The following PSEN1 variants were observed in gnomAD, a reference collection of about 807,000 sequenced individuals.
PSEN1 encodes presenilin-1.
In PSEN1, 15 loss-of-function variants were observed where a neutral mutation model predicts 53.5. That is an observed-to-expected ratio of 0.28 (90% CI 0.19 to 0.43). PSEN1 has a LOEUF of 0.43. Among genes scored for constraint, PSEN1 ranks in the 20% least tolerant of loss-of-function variants. PSEN1 has a pLI of 1.00. For synonymous variants in PSEN1, 208 were observed against 209.8 expected (o/e 0.99, Z 0.08); for missense variants, 387 against 571.2 (o/e 0.68, Z 3.29).
chr14:73,160,803 C>T (rs1460995725), intron 3 of PSEN1, among the ~76,000 whole-genome samples: 18 of 84,698 alleles, frequency 2.1e-4, no homozygotes, highest in Admixed American at 5.4e-4. Context: ...AATTGTAGGA[C>T]TTTTTTTTTT....
At chr14:73,192,491 TTAAA>T (rs1298882108) in intron 6 of PSEN1, among the ~76,000 whole-genome samples, 149 bp from the exon 7 acceptor site, 1 of 152,162 alleles carries the variant, frequency 6.6e-6, no homozygotes, top group East Asian at 1.9e-4. Flanking sequence ...AAGGGAAGTA[TTAAA>T]TAAATAATAG....
In PSEN1 at chr14:73,221,852, A is replaced by C. The variant is rs1174960422; in HGVS notation, c.*2563A>C. On this transcript the variant is annotated 3_prime_UTR_variant, in exon 12 of 12. Coordinates refer to ENST00000324501, the MANE Select transcript of PSEN1 (RefSeq NM_000021.4). ...AAGAACAGTAGCAATTTCCATAAGG[A>C]TGTGCCTTCACTCACACGGGACAGG... 4 of 152,216 alleles carry C rather than the reference A, an allele frequency of 2.6e-5. No homozygotes were observed. Among genetic ancestry groups the C allele is most frequent in the Admixed American group, 2.6e-4 (4 of 15,280 alleles). The allele number at this position is 152,216 out of a possible 1,614,324, so 9.4% of individuals were successfully genotyped here. A position where few individuals can be genotyped will look rare whatever the true frequency, so the allele number is the denominator to read the frequency against.
chr14:73,140,457 C>T (rs996500867), intron 1 of PSEN1, among the ~76,000 whole-genome samples: 1 of 152,126 alleles, frequency 6.6e-6, no homozygotes, highest in Admixed American at 6.5e-5. Flanking sequence ...GATCCACCCG[C>T]CTCAGCCTCC....
At chr14:73,157,382 G>A (rs148219738) in intron 3 of PSEN1, among the ~76,000 whole-genome samples, 3,061 of 151,480 alleles carry the variant, frequency 0.02, 46 homozygotes, top group Non-Finnish European at 0.03. Context: ...CAGATGATCC[G>A]CCTGCCTCGA....
chr14:73,160,752 C>T (rs1386508787), intron 3 of PSEN1, among the ~76,000 whole-genome samples: 1 of 149,186 alleles, frequency 6.7e-6, no homozygotes, highest in Non-Finnish European at 1.5e-5. Context: ...GTCCTTTGCC[C>T]ATCTAAAAAA....
At chr14:73,167,018 G>A (rs1036309375) in intron 3 of PSEN1, among the ~76,000 whole-genome samples, 1 of 151,354 alleles carries the variant, frequency 6.6e-6, no homozygotes, top group East Asian at 1.9e-4. Context: ...TTATTTTGTT[G>A]TTGTCATTTG....
intron 8 of PSEN1, among the ~76,000 whole-genome samples, chr14:73,205,350 G>C (rs753155164): frequency 3.6e-4 from 55 of 151,806 alleles, no homozygotes; most frequent in Non-Finnish European, 6.0e-4. Context: ...ATGGTGGCGG[G>C]CGCCTGTAGT....
intron 5 of PSEN1, among the ~76,000 whole-genome samples, chr14:73,181,347 C>G (rs1312735075): frequency 2.0e-5 from 3 of 152,194 alleles, no homozygotes; most frequent in Non-Finnish European, 4.4e-5. Flanking sequence ...GAGGCTGAGG[C>G]AGGAGAATCG....
rs1365774063 is a variant in PSEN1, at chr14:73,215,313, G to T, written c.1130-1813G>T. On this transcript the variant is annotated intron_variant, in intron 10 of 11. Coordinates refer to ENST00000324501, the MANE Select transcript of PSEN1 (RefSeq NM_000021.4). Reference sequence around the variant, plus strand: ...GAAGTGGAAAATAAGGCCAGGTGTGGTGGCTCACACCTGTAATCCCAGCAC... The same window carrying T: ...GAAGTGGAAAATAAGGCCAGGTGTGTTGGCTCACACCTGTAATCCCAGCAC... Among the ~76,000 whole-genome samples the T allele has an allele frequency of 2.6e-5, 4 of 151,664 alleles. No homozygotes were observed. The East Asian group carries it at 7.9e-4, about 30-fold the overall frequency.
chr14:73,205,103 A>G (rs1164302768), intron 8 of PSEN1, among the ~76,000 whole-genome samples: 1 of 152,216 alleles, frequency 6.6e-6, no homozygotes, highest in African/African-American at 2.4e-5. Context: ...TTCTTCAAGA[A>G]GCCTGAGTAT....
intron 9 of PSEN1, among the ~76,000 whole-genome samples, chr14:73,211,346 G>GA (rs1340000004): frequency 1.3e-5 from 2 of 152,066 alleles, no homozygotes; most frequent in African/African-American, 4.8e-5. Context: ...TTCAGGGGTA[G>GA]AAGGGGACTG....
intron 4 of PSEN1, 95 bp downstream of exon 4, chr14:73,171,142 C>A (rs1897880945): frequency 2.1e-6 from 3 of 1,458,938 alleles, no homozygotes; most frequent in Non-Finnish European, 1.9e-6. Flanking sequence ...ATTGAAGGGG[C>A]ATGACTTAGC....
At chr14:73,200,841 A>G (rs1899149946) in intron 8 of PSEN1, among the ~76,000 whole-genome samples, 1 of 152,036 alleles carries the variant, frequency 6.6e-6, no homozygotes, top group Non-Finnish European at 1.5e-5. Flanking sequence ...ACTTGAGGTC[A>G]GGAGTTTGAA....
At chr14:73,196,932 C>CTTTTTTT (rs557577799) in intron 7 of PSEN1, among the ~76,000 whole-genome samples, 14 of 128,866 alleles carry the variant, frequency 1.1e-4, no homozygotes, top group African/African-American at 1.5e-4. Flanking sequence ...TTCTTTCTTT[C>CTTTTTTT]TTTTTTTTTT....
At chr14:73,182,292 C>T (rs2140063520) in intron 5 of PSEN1, among the ~76,000 whole-genome samples, 1 of 151,010 alleles carries the variant, frequency 6.6e-6, no homozygotes, top group South Asian at 2.1e-4. Flanking sequence ...CCAGCTTGGG[C>T]AACAGAGTGA....
At chr14:73,180,919 T>G (rs1220200727) in intron 5 of PSEN1, among the ~76,000 whole-genome samples, 2 of 152,218 alleles carry the variant, frequency 1.3e-5, no homozygotes, top group Non-Finnish European at 2.9e-5. Context: ...ATTAATTAAA[T>G]CAGTAATTAG....
chr14:73,200,867 A>G (rs1264221057), intron 8 of PSEN1, among the ~76,000 whole-genome samples: 7 of 152,000 alleles, frequency 4.6e-5, no homozygotes, highest in Admixed American at 4.6e-4. Context: ...CCTGGCCAAC[A>G]TGGTGAAACT....
intron 5 of PSEN1, among the ~76,000 whole-genome samples, chr14:73,181,477 C>T (rs1028388515): frequency 2.6e-5 from 4 of 152,124 alleles, no homozygotes; most frequent in African/African-American, 4.8e-5. Context: ...CATAGTTTCA[C>T]GCCAGGTGCA....
chr14:73,153,837 C>T (rs1044317017), intron 3 of PSEN1, among the ~76,000 whole-genome samples: 2 of 151,588 alleles, frequency 1.3e-5, no homozygotes, highest in Non-Finnish European at 2.9e-5. Flanking sequence ...CTTAGTCTCC[C>T]GAGTAGTTGG....
Sources: allele counts gnomAD v4.1 joint callset (sites outside exome capture counted in the v4.1 genomes callset), GRCh38; gene constraint gnomAD v4.1.1; transcripts MANE v1.5; gene names NCBI Gene and HGNC (gene_info 2026-07-23, HGNC 2026-07-21).